The following RBM19 variants were observed in gnomAD, a reference collection of about 807,000 sequenced individuals.
RBM19 encodes RNA binding motif protein 19.
A neutral mutation model predicts 116.8 loss-of-function variants in RBM19; 94 were observed. The ratio of observed to expected loss-of-function variants is 0.80; its 90% CI spans 0.68 to 0.95. The LOEUF is 0.95. Ranked by LOEUF, RBM19 falls within the 40% of genes least tolerant of loss-of-function variation. RBM19 has a pLI of 0.00. For missense variants in RBM19, 1,161 were observed against 1,220.7 expected, an observed-to-expected ratio of 0.95 and a Z score of 0.73; for synonymous variants, 475 against 494.1, an observed-to-expected ratio of 0.96 and a Z score of 0.51.
At chr12:113,890,119 C>A (rs1050764894) in intron 21 of RBM19, among the ~76,000 whole-genome samples, 5 of 152,308 alleles carry the variant, frequency 3.3e-5, no homozygotes, top group Admixed American at 3.3e-4. Context: ...TCTCATTCCC[C>A]CCTCCCTCGC....
intron 20 of RBM19, 35 bp from the exon 21 acceptor site, chr12:113,915,120 G>T (rs372726173): frequency 1.9e-6 from 3 of 1,538,934 alleles, no homozygotes. Context: ...CAAGTTATTC[G>T]GAGCTTCAGC....
chr12:113,871,821 G>A (rs577945352), intron 21 of RBM19, among the ~76,000 whole-genome samples: 2 of 151,384 alleles, frequency 1.3e-5, no homozygotes, highest in Admixed American at 6.6e-5. Context: ...CCGCCGCGCC[G>A]GCGAGCGCCG....
intron 23 of RBM19, among the ~76,000 whole-genome samples, chr12:113,828,918 A>T (rs1256186615): frequency 3.3e-5 from 5 of 152,126 alleles, no homozygotes; most frequent in African/African-American, 1.2e-4. Context: ...CACAGAATAA[A>T]GGGTACTCTT....
chr12:113,909,431 G>A (rs569308863), intron 21 of RBM19, among the ~76,000 whole-genome samples: 70 of 152,246 alleles, frequency 4.6e-4, no homozygotes, highest in African/African-American at 1.5e-3. Context: ...ATGGCCATGC[G>A]GGCGATTTTC....
At chr12:113,959,777 C>A in intron 4 of RBM19, 88 bp downstream of exon 4, 1 of 1,495,236 alleles carries the variant, frequency 6.7e-7, no homozygotes, top group Non-Finnish European at 9.2e-7. Context: ...TAGCCTCCAC[C>A]CTCTCCCAGC....
chr12:113,906,014 G>A (rs1882018832), intron 21 of RBM19, among the ~76,000 whole-genome samples: 2 of 152,318 alleles, frequency 1.3e-5, no homozygotes, highest in Non-Finnish European at 2.9e-5. Flanking sequence ...TAAACTGACC[G>A]TGGAAGGAAG....
intron 21 of RBM19, among the ~76,000 whole-genome samples, chr12:113,884,111 C>T (rs972038880): frequency 1.7e-4 from 14 of 84,590 alleles, no homozygotes; most frequent in African/African-American, 3.2e-4. Context: ...TCCATCTCTA[C>T]CAAAAAAAAA....
chr12:113,914,834 C>T lies in RBM19; in HGVS notation c.2558+135G>A, dbSNP rs550752701. The T allele has an allele frequency of 1.3e-5, 10 of 773,434 alleles. No homozygotes were observed. In the African/African-American group the frequency reaches 1.7e-4, roughly 13 times the overall value. The allele number at this position is 773,434 out of a possible 1,614,324, so 47.9% of individuals were successfully genotyped here. A position where few individuals can be genotyped will look rare whatever the true frequency, so the allele number is the denominator to read the frequency against. ...TTAAGGGAGATAAATCAAAAGCAGC[C>T]AAAAGATGACCTTTGAAAGACCACT... On this transcript the variant is annotated intron_variant, in intron 21 of 23. Coordinates refer to ENST00000261741, the MANE Select transcript of RBM19 (RefSeq NM_016196.4).
At chr12:113,847,293 T>C (rs1397932494) in intron 22 of RBM19, among the ~76,000 whole-genome samples, 1 of 152,210 alleles carries the variant, frequency 6.6e-6, no homozygotes, top group Non-Finnish European at 1.5e-5. Flanking sequence ...CTTTGTTCTC[T>C]TCTGTGCTGT....
chr12:113,823,571 G>T (rs148520785), intron 23 of RBM19, among the ~76,000 whole-genome samples: 1 of 151,984 alleles, frequency 6.6e-6, no homozygotes, highest in Non-Finnish European at 1.5e-5. Context: ...AGAATCAAAG[G>T]GGAAATGAGG....
chr12:113,896,131 CCTGTCAA>C (rs1436903280), intron 21 of RBM19, among the ~76,000 whole-genome samples: 1 of 152,082 alleles, frequency 6.6e-6, no homozygotes, highest in Non-Finnish European at 1.5e-5. Context: ...TGTAATTTAA[CCTGTCAA>C]CTGTCAGCTA....
chr12:113,893,863 C>T (rs547720911), intron 21 of RBM19, among the ~76,000 whole-genome samples: 7 of 152,306 alleles, frequency 4.6e-5, no homozygotes, highest in South Asian at 4.1e-4. Flanking sequence ...TGCTCAGGAG[C>T]GACACAGGGC....
chr12:113,840,573 G>GT (rs2135711299), intron 23 of RBM19, among the ~76,000 whole-genome samples: 1 of 152,362 alleles, frequency 6.6e-6, no homozygotes, highest in South Asian at 2.1e-4. Flanking sequence ...CCTACTGAAC[G>GT]TGTCACAGGG....
At chr12:113,837,097 A>ACAT (rs1199071407) in intron 23 of RBM19, among the ~76,000 whole-genome samples, 5 of 149,686 alleles carry the variant, frequency 3.3e-5, no homozygotes, top group Non-Finnish European at 7.4e-5. Context: ...ATACATACAT[A>ACAT]CATACATACA....
chr12:113,893,708 T>C (rs1007397970), intron 21 of RBM19, among the ~76,000 whole-genome samples: 1 of 152,202 alleles, frequency 6.6e-6, no homozygotes, highest in South Asian at 2.1e-4. Context: ...TATCAGCGTT[T>C]TAAAGAATCT....
At chr12:113,868,311 C>T (rs1878983745) in intron 21 of RBM19, among the ~76,000 whole-genome samples, 1 of 152,160 alleles carries the variant, frequency 6.6e-6, no homozygotes, top group South Asian at 2.1e-4. Context: ...TCTGTGCGTA[C>T]AGTTTAGAAG....
chr12:113,832,331 G>T (rs1318157531), intron 23 of RBM19, among the ~76,000 whole-genome samples: 1 of 151,858 alleles, frequency 6.6e-6, no homozygotes, highest in African/African-American at 2.4e-5. Flanking sequence ...CTAGGATTAC[G>T]GGCGCACGCC....
chr12:113,928,619 C>A (rs1869329549), intron 16 of RBM19, among the ~76,000 whole-genome samples: 1 of 62,108 alleles, frequency 1.6e-5, no homozygotes. Context: ...TGTGAGTTAG[C>A]AAGGGATGTG....
intron 23 of RBM19, among the ~76,000 whole-genome samples, chr12:113,839,003 T>C (rs1324733945): frequency 6.6e-6 from 1 of 152,232 alleles, no homozygotes; most frequent in Non-Finnish European, 1.5e-5. Context: ...ATGGTTAAGA[T>C]GCCTGCCTGC....
Sources: gnomAD v4.1 joint callset for allele counts (sites outside exome capture counted in the v4.1 genomes callset) on GRCh38, gnomAD v4.1.1 for gene constraint, MANE v1.5 for transcripts, NCBI Gene and HGNC (gene_info 2026-07-23, HGNC 2026-07-21) for gene names.